Variants in CEP295 observed in about 807,000 individuals in gnomAD.
CEP295 encodes the protein centrosomal protein of 295 kDa.
In CEP295, 190 loss-of-function variants were observed where a neutral mutation model predicts 291.6. The observed-to-expected ratio is 0.65, with a 90% CI of 0.58 to 0.73. The LOEUF (loss-of-function observed/expected upper bound fraction) is 0.73, where lower values mean the gene tolerates loss of function less well. Ranked by LOEUF, CEP295 falls within the 30% of genes least tolerant of loss-of-function variation. The pLI is 0.00. For missense variants in CEP295, 2,863 were observed against 2,949.4 expected (o/e 0.97, Z 0.68); for synonymous variants, 993 against 1,038.8 (o/e 0.96, Z 0.85).
chr11:93,697,883 G>A lies in CEP295; in HGVS notation c.2971G>A (p.Ala991Thr). 1 of 1,551,680 alleles carries A rather than the reference G, an allele frequency of 6.4e-7. No homozygotes were observed. The highest frequency in any genetic ancestry group is 8.7e-7 in the Non-Finnish European group (1 of 1,146,974). Residue 991 changes from alanine to threonine, a missense_variant, in exon 15 of 30, where the codon GCT (alanine) becomes ACT (threonine). By Grantham distance (58) the Ala-to-Thr change is moderately conservative (BLOSUM62 0). Transcript: ENST00000325212. ...ELDRRVCSEQAEPSFPFQVAQ... is the reference protein window; with the variant it reads ...ELDRRVCSEQTEPSFPFQVAQ... ...GGATAGAAGAGTATGTTCCGAACAG[G>A]CTGAGCCCTCTTTCCCATTTCAGGT...
At position 93,667,659 on chromosome 11, in the gene CEP295, AG is replaced by A; in HGVS notation, c.162del (p.Arg55GlyfsTer13). The A allele has an allele frequency of 1.3e-6, 2 of 1,551,570 alleles. No individual in the cohort carries two copies. The highest frequency in any genetic ancestry group is 1.7e-6 in the Non-Finnish European group (2 of 1,146,794). On this transcript the variant is annotated frameshift_variant, in exon 3 of 30. Coordinates refer to ENST00000325212, the MANE Select transcript of CEP295 (RefSeq NM_033395.2). LOFTEE classifies it high-confidence loss of function. The stretch of plus-strand genomic sequence containing the variant: ...TTACAGATAAGAGAAGACATAAAAC[AG>A]AGGAGAAATCAACAATTTACACGTT... Reference protein sequence around the residue: ...IALQIREDIKQRRNQQFTRLA... With the variant: ...IALQIREDIKXRRNQQFTRLA...
intron 6 of CEP295, among the ~76,000 whole-genome samples, chr11:93,677,050 C>A (rs889916406): frequency 6.6e-6 from 1 of 151,968 alleles, no homozygotes; most frequent in South Asian, 2.1e-4. Context: ...CATTTTTATT[C>A]GAATATTTTC....
At chr11:93,696,084 G>A (rs1208535171) in intron 13 of CEP295, among the ~76,000 whole-genome samples, 1 of 152,078 alleles carries the variant, frequency 6.6e-6, no homozygotes, top group African/African-American at 2.4e-5. Context: ...TCATCTTTCA[G>A]TTTCTATAGG....
rs1938241989 is a variant in CEP295 at position 93,730,138 on chromosome 11, A to T, written c.7757A>T (p.Glu2586Val). 11 of 1,551,086 alleles carry T rather than the reference A, an allele frequency of 7.1e-6. No individual in the cohort carries two copies. The highest frequency in any genetic ancestry group is 8.7e-6 in the Non-Finnish European group (10 of 1,146,820). The change falls in exon 29 of 30, where the codon GAA becomes GTA. Residue 2586 changes from glutamate to valine, a missense_variant. Physicochemically the swap from Glu to Val is moderately radical, Grantham distance 121 (BLOSUM62 -2). Around this residue, in one of 3 missense-constraint regions of CEP295, gnomAD observed 2,295 missense variants for 2,335.7 expected, o/e 0.98. Coordinates refer to ENST00000325212, the MANE Select transcript of CEP295 (RefSeq NM_033395.2). ...AYAQNRARAK[E>V]FHKKTLEKLR... ...GCCCAAAACAGAGCAAGGGCAAAAG[A>T]ATTCCATAAGGTGAGTATAACTGAG...
rs1174272079 is a variant in CEP295, at chr11:93,692,112, T to C, written c.1533+82T>C. 4 of 742,278 alleles carry C rather than the reference T, an allele frequency of 5.4e-6. No individual in the cohort carries two copies. In the East Asian group the frequency reaches 1.1e-4, roughly 20 times the overall value. 46.0% of individuals were successfully genotyped at this position (742,278 alleles called of 1,614,324 possible). A position where few individuals can be genotyped will look rare whatever the true frequency, so the allele number is the denominator to read the frequency against. On this transcript the variant is annotated intron_variant, in intron 12 of 29. Transcript: ENST00000325212. ...TTTTGTTTGGCCAATGAAATTTGTC[T>C]TAATGTCTGGCTAATTTTGATATCA... is the stretch of plus-strand genomic sequence containing the variant.
At position 93,679,560 on chromosome 11, in the gene CEP295, T is replaced by C. The variant is rs1026338494; in HGVS notation, c.765+8T>C. On this transcript the variant is annotated splice_region_variant and intron_variant, in intron 7 of 29. Transcript: ENST00000325212. ...AAGATCCATTTGGCTCAAGTAAGACTTATATTCTACCCATGACCATTACTC... is the reference window on the plus strand; with the variant it reads ...AAGATCCATTTGGCTCAAGTAAGACCTATATTCTACCCATGACCATTACTC... The C allele has an allele frequency of 6.5e-7, 1 of 1,549,976 alleles. No homozygotes were observed. Among genetic ancestry groups the C allele is most frequent in the African/African-American group, 1.4e-5 (1 of 72,984 alleles).
At position 93,706,765 on chromosome 11, in the gene CEP295, G is replaced by A; in HGVS notation, c.5617G>A (p.Asp1873Asn). The change falls in exon 18 of 30, where the codon GAC becomes AAC. Residue 1873 changes from aspartate (D) to asparagine (N), a missense_variant. By Grantham distance (23) the Asp-to-Asn change is conservative. Around this residue, in one of 3 missense-constraint regions of CEP295, gnomAD observed 2,295 missense variants for 2,335.7 expected, o/e 0.98. Coordinates refer to ENST00000325212, the MANE Select transcript of CEP295 (RefSeq NM_033395.2). Reference protein sequence around the residue: ...SILGKPGIYEDRDPLRVSISR... With the variant: ...SILGKPGIYENRDPLRVSISR... ...CCCAGGTAAACCAGGTATTTATGAA[G>A]ACAGAGACCCCCTGCGAGTCTCAAT... The A allele has an allele frequency of 6.5e-7, 1 of 1,543,226 alleles. No individual in the cohort carries two copies. The highest frequency in any genetic ancestry group is 1.2e-5 in the South Asian group (1 of 82,360).
Position 93,697,548 on chromosome 11 carries a change from T to C in CEP295, c.2636T>C (p.Val879Ala). The change falls in exon 15 of 30, where the codon GTG becomes GCG. Residue 879 changes from valine to alanine, a missense_variant. Around this residue, in one of 3 missense-constraint regions of CEP295, gnomAD observed 2,295 missense variants for 2,335.7 expected, o/e 0.98. Coordinates refer to ENST00000325212, the MANE Select transcript of CEP295 (RefSeq NM_033395.2). Reference protein sequence around the residue: ...EQLLLCKQKEVEQQTGLSVFL... With the variant: ...EQLLLCKQKEAEQQTGLSVFL... Reference sequence around the variant, plus strand: ...TTGCTTTTGTGCAAACAGAAAGAAGTGGAACAGCAAACGGGCCTCTCGGTA... The same window carrying C: ...TTGCTTTTGTGCAAACAGAAAGAAGCGGAACAGCAAACGGGCCTCTCGGTA... 6.4e-7 allele frequency: 1 copy of C among 1,551,750 alleles called. No homozygotes were observed.
chr11:93,727,476 A>C lies in CEP295; in HGVS notation c.7000A>C (p.Ile2334Leu), dbSNP rs1183327243. The change falls in exon 24 of 30, where the codon ATT (isoleucine) becomes CTT (leucine). Residue 2334 changes from isoleucine (I) to leucine (L), a missense_variant. Ile to Leu is a conservative substitution (Grantham distance 5). Coordinates refer to ENST00000325212, the MANE Select transcript of CEP295 (RefSeq NM_033395.2). ...CVRTVEMGTS[I>L]QAPYSLTTQN... ...AAGAACAGTGGAGATGGGAACTTCA[A>C]TTCAGGCACCATATTCCTTAACTAC... The C allele has an allele frequency of 6.4e-7, 1 of 1,551,912 alleles. No homozygotes were observed. The highest frequency in any genetic ancestry group is 8.7e-7 in the Non-Finnish European group (1 of 1,147,050).
rs768760033 is a variant in CEP295, at chr11:93,706,777, C to T, written c.5629C>T (p.Leu1877=). 6.5e-7 allele frequency: 1 copy of T among 1,549,166 alleles called. No homozygotes were observed. The highest frequency in any genetic ancestry group is 1.2e-5 in the South Asian group (1 of 83,726). The part of the protein sequence containing the change: ...KPGIYEDRDP[L]RVSISREQSF... ...AGGTATTTATGAAGACAGAGACCCCCTGCGAGTCTCAATAAGCCGAGAACA... is the reference window on the plus strand; with the variant it reads ...AGGTATTTATGAAGACAGAGACCCCTTGCGAGTCTCAATAAGCCGAGAACA... The change falls in exon 18 of 30, where the codon CTG becomes TTG. Residue 1877 remains leucine, a synonymous_variant. Coordinates refer to ENST00000325212, the MANE Select transcript of CEP295 (RefSeq NM_033395.2).
chr11:93,671,109 C>G (rs1459793567), intron 5 of CEP295, among the ~76,000 whole-genome samples: 1 of 152,142 alleles, frequency 6.6e-6, no homozygotes, highest in Non-Finnish European at 1.5e-5. Flanking sequence ...TCTCGAACTC[C>G]TGACCTCAGA....
At chr11:93,671,090 C>T (rs1950424146) in intron 5 of CEP295, among the ~76,000 whole-genome samples, 1 of 152,104 alleles carries the variant, frequency 6.6e-6, no homozygotes, top group Admixed American at 6.6e-5. Context: ...ACCATGTTGG[C>T]CAGGCTGGTC....
intron 12 of CEP295, among the ~76,000 whole-genome samples, chr11:93,692,296 C>T (rs1951601785): frequency 6.6e-6 from 1 of 152,092 alleles, no homozygotes; most frequent in South Asian, 2.1e-4. Context: ...CAGAGACTAT[C>T]TTCTTTAAAA....
intron 1 of CEP295, among the ~76,000 whole-genome samples, chr11:93,662,093 C>T (rs1318276146): frequency 6.6e-6 from 1 of 152,198 alleles, no homozygotes; most frequent in African/African-American, 2.4e-5. Flanking sequence ...GGGCGCTTCC[C>T]CCAGATCACC....
chr11:93,716,742 C>T (rs1031311426), intron 18 of CEP295, among the ~76,000 whole-genome samples: 4 of 152,330 alleles, frequency 2.6e-5, no homozygotes, highest in Admixed American at 2.6e-4. Context: ...GTAACAAGTT[C>T]ATAACTCAGG....
At chr11:93,688,416 AT>A (rs1439420051) in intron 10 of CEP295, among the ~76,000 whole-genome samples, 1 of 152,172 alleles carries the variant, frequency 6.6e-6, no homozygotes, top group Non-Finnish European at 1.5e-5. Flanking sequence ...GATTGGGATG[AT>A]TTTAAAAATG....
At chr11:93,679,339 G>A (rs1264969605) in intron 6 of CEP295, 73 bp from the exon 7 acceptor site, 1 of 1,253,982 alleles carries the variant, frequency 8.0e-7, no homozygotes, top group African/African-American at 1.5e-5. Flanking sequence ...TGATTTTAAG[G>A]TTGTTTTGTT....
chr11:93,725,822 A>G lies in CEP295; in HGVS notation c.6490A>G (p.Ile2164Val). 4 of 1,550,636 alleles carry G rather than the reference A, an allele frequency of 2.6e-6. No homozygotes were observed. Among genetic ancestry groups the G allele is most frequent in the Non-Finnish European group, 2.6e-6 (3 of 1,146,660 alleles). ...VGAHSFATEN[I>V]IGGSEQCFEQ... is the part of the protein sequence containing the mutation. The stretch of plus-strand genomic sequence containing the variant: ...AGCTCACAGTTTTGCTACAGAAAAT[A>G]TTATTGGGGGTATGTATGACTAAGT... Residue 2164 changes from isoleucine (I) to valine (V), a missense_variant, in exon 23 of 30, where the codon ATT (isoleucine) becomes GTT (valine). Around this residue, in one of 3 missense-constraint regions of CEP295, gnomAD observed 2,295 missense variants for 2,335.7 expected, o/e 0.98. Coordinates refer to ENST00000325212, the MANE Select transcript of CEP295 (RefSeq NM_033395.2).
At chr11:93,662,699 C>T (rs574844003) in intron 1 of CEP295, among the ~76,000 whole-genome samples, 1 of 152,284 alleles carries the variant, frequency 6.6e-6, no homozygotes, top group African/African-American at 2.4e-5. Context: ...ATTTGGTAAA[C>T]ACCACAGTAG....
Sources: gnomAD v4.1 joint callset for allele counts (sites outside exome capture counted in the v4.1 genomes callset) on GRCh38, gnomAD v4.1.1 for gene constraint, gnomAD v4.1.1 regional missense constraint, MANE v1.5 for transcripts, NCBI Gene and HGNC (gene_info 2026-07-23, HGNC 2026-07-21) for gene names.